The following KATNAL2 variants were observed in gnomAD, a reference collection of about 807,000 sequenced individuals.
The protein encoded by KATNAL2 is katanin p60 ATPase-containing subunit A-like 2.
KATNAL2 carries 52 observed loss-of-function variants against 76.3 expected under a neutral mutation model. The observed-to-expected ratio is 0.68, with a 90% CI of 0.55 to 0.86. The LOEUF (loss-of-function observed/expected upper bound fraction) is 0.86. KATNAL2 is among the 40% of genes least tolerant of loss of function. The pLI is 0.00. For synonymous variants in KATNAL2, 243 were observed against 244.2 expected (o/e 1.00, Z 0.05); for missense variants, 660 against 668.9 (o/e 0.99, Z 0.15).
At chr18:46,918,993 G>A (rs879664390) in intron 1 of KATNAL2, among the ~76,000 whole-genome samples, 25 of 120,754 alleles carry the variant, frequency 2.1e-4, no homozygotes, top group Non-Finnish European at 3.3e-4. Context: ...ATGTGTGTGC[G>A]TGTATATATA....
intron 3 of KATNAL2, among the ~76,000 whole-genome samples, chr18:47,036,934 A>G (rs531500841): frequency 1.1e-4 from 17 of 152,244 alleles, no homozygotes; most frequent in South Asian, 2.1e-4. Flanking sequence ...GCCAGGAGAT[A>G]GTCAGGAAAC....
chr18:46,961,737 G>A (rs1426786680), intron 3 of KATNAL2, among the ~76,000 whole-genome samples: 1 of 152,156 alleles, frequency 6.6e-6, no homozygotes. Context: ...ATTTTTCACA[G>A]ACCTGATATT....
intron 1 of KATNAL2, among the ~76,000 whole-genome samples, chr18:46,928,037 C>G (rs2058784137): frequency 6.6e-6 from 1 of 152,186 alleles, no homozygotes; most frequent in East Asian, 1.9e-4. Flanking sequence ...CGAATTTCCT[C>G]CTGTAGCTCG....
chr18:46,920,261 C>T (rs1204050126), intron 1 of KATNAL2: 5 of 391,174 alleles, frequency 1.3e-5, no homozygotes, highest in African/African-American at 4.1e-5. Flanking sequence ...TAGTACTGAG[C>T]ATTTATAGGC....
chr18:47,035,389 G>A, intron 3 of KATNAL2: 4 of 1,531,180 alleles, frequency 2.6e-6, no homozygotes, highest in Non-Finnish European at 3.5e-6. Context: ...CTCGGGATGT[G>A]GAGTCACAGC....
At chr18:46,925,800 G>C (rs955159179) in intron 1 of KATNAL2, among the ~76,000 whole-genome samples, 2 of 151,974 alleles carry the variant, frequency 1.3e-5, no homozygotes, top group Admixed American at 1.3e-4. Flanking sequence ...ACTTCTTCCT[G>C]GTTTAGTCTT....
chr18:47,053,776 A>C (rs1295224734), intron 5 of KATNAL2, among the ~76,000 whole-genome samples: 1 of 152,232 alleles, frequency 6.6e-6, no homozygotes, highest in East Asian at 1.9e-4. Flanking sequence ...GAAAAGGTCA[A>C]AGAGGTATTT....
chr18:47,074,162 C>T (rs2062105550), intron 13 of KATNAL2, among the ~76,000 whole-genome samples: 1 of 152,098 alleles, frequency 6.6e-6, no homozygotes, highest in African/African-American at 2.4e-5. Flanking sequence ...TGATGAATGC[C>T]CCAGCATTGC....
At chr18:46,941,334 A>G (rs555414920) in intron 1 of KATNAL2, among the ~76,000 whole-genome samples, 6 of 152,260 alleles carry the variant, frequency 3.9e-5, no homozygotes, top group Non-Finnish European at 5.9e-5. Flanking sequence ...GCCAGACTCC[A>G]TCTCAAAAAA....
intron 15 of KATNAL2, among the ~76,000 whole-genome samples, chr18:47,082,376 G>A (rs2062568081): frequency 6.6e-6 from 1 of 152,028 alleles, no homozygotes; most frequent in South Asian, 2.1e-4. Context: ...TGTTTCCTTG[G>A]AGGCAAAATC....
intron 3 of KATNAL2, among the ~76,000 whole-genome samples, chr18:47,043,398 A>G (rs1474174331): frequency 6.6e-6 from 1 of 152,074 alleles, no homozygotes; most frequent in East Asian, 1.9e-4. Context: ...TCTCCCATAC[A>G]CCTTTACTCA....
chr18:47,075,252 A>G, intron 13 of KATNAL2, 25 bp from the exon 14 acceptor site: 4 of 1,534,348 alleles, frequency 2.6e-6, no homozygotes, highest in Non-Finnish European at 3.5e-6. Flanking sequence ...AAGCTTGAAC[A>G]CTTGCTTGCT....
chr18:47,031,563 G>A (rs1012625571), intron 3 of KATNAL2, among the ~76,000 whole-genome samples: 6 of 152,070 alleles, frequency 3.9e-5, no homozygotes, highest in African/African-American at 1.2e-4. Flanking sequence ...AGAAAAATAG[G>A]TAAATTTGCT....
chr18:47,063,156 C>A lies in KATNAL2; in HGVS notation c.648+86C>A, dbSNP rs1486855999. ...AATATAATTTTGAGTACAGTGAAACCTTGAGATCAAGTTAAAGGCCATAGC... is the reference window on the plus strand; with the variant it reads ...AATATAATTTTGAGTACAGTGAAACATTGAGATCAAGTTAAAGGCCATAGC... On this transcript the variant is annotated intron_variant, in intron 9 of 17. Coordinates refer to ENST00000683218, the MANE Select transcript of KATNAL2 (RefSeq NM_001387690.1). 3.4e-6 allele frequency: 5 copies of A among 1,463,814 alleles called. No homozygotes were observed. In the Admixed American group the frequency reaches 5.1e-5, roughly 15 times the overall value. The allele number at this position is 1,463,814 out of a possible 1,614,324, so 90.7% of individuals were successfully genotyped here.
intron 13 of KATNAL2, among the ~76,000 whole-genome samples, chr18:47,071,154 C>G (rs1177230197): frequency 6.6e-6 from 1 of 152,178 alleles, no homozygotes; most frequent in African/African-American, 2.4e-5. Flanking sequence ...TGCACACCAC[C>G]AAGCCCAGCT....
chr18:47,031,571 G>T (rs1463670669), intron 3 of KATNAL2, among the ~76,000 whole-genome samples: 3 of 152,112 alleles, frequency 2.0e-5, no homozygotes, highest in South Asian at 2.1e-4. Context: ...AGGTAAATTT[G>T]CTGTGTTTCC....
intron 14 of KATNAL2, among the ~76,000 whole-genome samples, chr18:47,077,138 T>C (rs1036925518): frequency 5.0e-4 from 76 of 152,320 alleles, no homozygotes; most frequent in African/African-American, 1.8e-3. Flanking sequence ...TTCTTTCAAA[T>C]ACCATCATTA....
At chr18:47,035,244 C>T (rs369463598) in intron 3 of KATNAL2, 67 of 1,612,684 alleles carry the variant, frequency 4.2e-5, no homozygotes, top group Middle Eastern at 2.0e-4. Context: ...CTGCGTGCAG[C>T]GTAGTGGACC....
chr18:46,927,135 A>C (rs2146523306), intron 1 of KATNAL2, among the ~76,000 whole-genome samples: 1 of 152,248 alleles, frequency 6.6e-6, no homozygotes, highest in South Asian at 2.1e-4. Context: ...TTATGATGTT[A>C]GCTGGTTATT....
Sources: gnomAD v4.1 joint callset for allele counts (sites outside exome capture counted in the v4.1 genomes callset) on GRCh38, gnomAD v4.1.1 for gene constraint, MANE v1.5 for transcripts, NCBI Gene and HGNC (gene_info 2026-07-23, HGNC 2026-07-21) for gene names.